The following BTBD9 variants were observed in gnomAD, a reference collection of about 807,000 sequenced individuals.
The protein encoded by BTBD9 is BTB domain containing 9.
In BTBD9, 49 loss-of-function variants were observed where a neutral mutation model predicts 64.3. That is an observed-to-expected ratio of 0.76 (90% CI 0.61 to 0.97). The LOEUF is 0.97. Ranked by LOEUF, BTBD9 falls within the 50% of genes least tolerant of loss-of-function variation. The probability of loss-of-function intolerance (pLI) is 0.00; values close to 1 mark genes in which losing one functional copy is unlikely to be tolerated. For missense variants in BTBD9, 598 were observed against 762.1 expected (o/e 0.78, Z 2.53); for synonymous variants, 260 against 274.7 (o/e 0.95, Z 0.53).
intron 6 of BTBD9, among the ~76,000 whole-genome samples, chr6:38,569,722 T>G (rs1209557534): frequency 6.6e-6 from 1 of 152,168 alleles, no homozygotes; most frequent in African/African-American, 2.4e-5. Context: ...TTCAATTGAA[T>G]AACTTAAGGA....
At chr6:38,356,848 T>C (rs540669033) in intron 6 of BTBD9, among the ~76,000 whole-genome samples, 2 of 152,288 alleles carry the variant, frequency 1.3e-5, no homozygotes, top group South Asian at 2.1e-4. Flanking sequence ...TTCTAACCCT[T>C]GCATGGAAGA....
chr6:38,440,541 A>AGTTT (rs1469277479), intron 6 of BTBD9, among the ~76,000 whole-genome samples: 218 of 152,316 alleles, frequency 1.4e-3, no homozygotes, highest in African/African-American at 5.1e-3. Context: ...TTCAGAAAGA[A>AGTTT]CACAACCACT....
At chr6:38,360,965 T>C (rs1014450531) in intron 6 of BTBD9, among the ~76,000 whole-genome samples, 1 of 152,170 alleles carries the variant, frequency 6.6e-6, no homozygotes, top group South Asian at 2.1e-4. Context: ...TTCCAATCAG[T>C]GTAAGGGAGG....
intron 6 of BTBD9, among the ~76,000 whole-genome samples, chr6:38,434,504 A>C (rs1039851512): frequency 6.6e-6 from 1 of 151,872 alleles, no homozygotes; most frequent in Non-Finnish European, 1.5e-5. Context: ...GTATTTCTTA[A>C]ATGTATTTGA....
At position 38,439,110 on chromosome 6, in the gene BTBD9, C is replaced by CTTTTTTTTTTTTTTTTTTTTT. The variant is rs35699356; in HGVS notation, c.1155-94038_1155-94018dup. 1.6e-4 allele frequency among the ~76,000 whole-genome samples: 10 copies of CTTTTTTTTTTTTTTTTTTTTT among 64,052 alleles called. 1 individual carries two copies. The highest frequency in any genetic ancestry group is 6.9e-4 in the African/African-American group (10 of 14,584). 42.0% of individuals were successfully genotyped at this position (64,052 alleles called of 152,430 possible). A position where few individuals can be genotyped will look rare whatever the true frequency, so the allele number is the denominator to read the frequency against. ...TCTTGTAGGCTCGTGTAGCAACTGA[C>CTTTTTTTTTTTTTTTTTTTTT]TTTTTTTTTTTTTTTTTTTTTTTTG... is the stretch of plus-strand genomic sequence containing the variant. On this transcript the variant is annotated intron_variant, in intron 6 of 10. Coordinates refer to ENST00000481247, the MANE Select transcript of BTBD9 (RefSeq NM_001099272.2).
chr6:38,472,623 C>T (rs1770699943), intron 6 of BTBD9, among the ~76,000 whole-genome samples: 1 of 152,070 alleles, frequency 6.6e-6, no homozygotes, highest in South Asian at 2.1e-4. Context: ...CCAACCAGTC[C>T]AGGAATAAAA....
intron 8 of BTBD9, among the ~76,000 whole-genome samples, chr6:38,281,155 A>C (rs1761500823): frequency 6.6e-6 from 1 of 152,208 alleles, no homozygotes; most frequent in Non-Finnish European, 1.5e-5. Context: ...TAGGAAAAAA[A>C]TGGCATTTTT....
intron 1 of BTBD9, among the ~76,000 whole-genome samples, chr6:38,631,751 T>C (rs938554936): frequency 6.6e-6 from 1 of 152,158 alleles, no homozygotes; most frequent in Non-Finnish European, 1.5e-5. Context: ...AAAAGCTTGA[T>C]TGCAACTCAT....
chr6:38,534,412 C>T (rs1295765286), intron 6 of BTBD9, among the ~76,000 whole-genome samples: 1 of 150,622 alleles, frequency 6.6e-6, no homozygotes, highest in East Asian at 1.9e-4. Flanking sequence ...GACCCGATGG[C>T]TTCACTGCTG....
chr6:38,402,590 G>T (rs1766980198), intron 6 of BTBD9, among the ~76,000 whole-genome samples: 1 of 152,206 alleles, frequency 6.6e-6, no homozygotes, highest in South Asian at 2.1e-4. Context: ...GGGAAAATGT[G>T]CCTGGGACAA....
intron 1 of BTBD9, among the ~76,000 whole-genome samples, chr6:38,626,877 C>T (rs1778186265): frequency 6.6e-6 from 1 of 152,068 alleles, no homozygotes; most frequent in South Asian, 2.1e-4. Context: ...CACAGTCATC[C>T]CGCCTTGAGA....
intron 7 of BTBD9, among the ~76,000 whole-genome samples, chr6:38,340,010 A>G (rs1455170961): frequency 1.3e-5 from 2 of 152,204 alleles, no homozygotes; most frequent in Non-Finnish European, 2.9e-5. Flanking sequence ...TTGGGGATAG[A>G]GCAAATGAAT....
chr6:38,426,885 T>C (rs1768185218), intron 6 of BTBD9, among the ~76,000 whole-genome samples: 1 of 151,788 alleles, frequency 6.6e-6, no homozygotes, highest in South Asian at 2.1e-4. Context: ...GGAAGCTCTG[T>C]GAGCAAGGAA....
chr6:38,599,518 GA>G (rs1777174315), intron 1 of BTBD9, among the ~76,000 whole-genome samples: 1 of 152,208 alleles, frequency 6.6e-6, no homozygotes, highest in Non-Finnish European at 1.5e-5. Context: ...CTAGCATTCA[GA>G]TGCCCCCGGT....
chr6:38,172,915 C>G lies in BTBD9; in HGVS notation c.*2070G>C, dbSNP rs1324835219. 1.3e-5 allele frequency: 2 copies of G among 152,280 alleles called. No homozygotes were observed. The highest frequency in any genetic ancestry group is 4.8e-5 in the African/African-American group (2 of 41,464). 9.4% of individuals were successfully genotyped at this position (152,280 alleles called of 1,614,324 possible). Reference sequence around the variant, plus strand: ...AGGAGGGCTCTGCGTGCTCTGTGGGCAGGGGACTGGAGGGTTGCAGATGCA... The same window carrying G: ...AGGAGGGCTCTGCGTGCTCTGTGGGGAGGGGACTGGAGGGTTGCAGATGCA... On this transcript the variant is annotated 3_prime_UTR_variant, in exon 11 of 11. Coordinates refer to ENST00000481247, the MANE Select transcript of BTBD9 (RefSeq NM_001099272.2).
chr6:38,202,423 A>C (rs906423972), intron 9 of BTBD9, among the ~76,000 whole-genome samples: 1 of 152,100 alleles, frequency 6.6e-6, no homozygotes, highest in Admixed American at 6.5e-5. Context: ...AAAAATCCTA[A>C]AATTCATGTA....
rs1273548348 is a variant in BTBD9, at chr6:38,288,413, T to C, written c.1313A>G (p.Glu438Gly). The change falls in exon 8 of 11, where the codon GAA (glutamate) becomes GGA (glycine). Residue 438 changes from glutamate (E) to glycine (G), a missense_variant. Transcript: ENST00000481247. The part of the protein sequence containing the change: ...ATIADCASVI[E>G]GVSRSRNALL... ...GGCATTTCGGCTCCGACTGACTCCTTCAATCACACTGGCACAATCAGCAAT... is the reference window on the plus strand; with the variant it reads ...GGCATTTCGGCTCCGACTGACTCCTCCAATCACACTGGCACAATCAGCAAT... 6.2e-7 allele frequency: 1 copy of C among 1,614,074 alleles called. No individual in the cohort carries two copies. Among genetic ancestry groups the C allele is most frequent in the Non-Finnish European group, 8.5e-7 (1 of 1,179,976 alleles).
At chr6:38,241,142 T>C (rs1320875632) in intron 9 of BTBD9, among the ~76,000 whole-genome samples, 1 of 152,214 alleles carries the variant, frequency 6.6e-6, no homozygotes, top group African/African-American at 2.4e-5. Flanking sequence ...TAAGCTTATA[T>C]GTCCACTGCT....
intron 5 of BTBD9, among the ~76,000 whole-genome samples, chr6:38,578,911 AT>A (rs199838408): frequency 0.018 from 2,731 of 152,268 alleles, 32 homozygotes; most frequent in South Asian, 0.054. Context: ...TTCTTTTATT[AT>A]TTTTATAATA....
Sources: gnomAD v4.1 joint callset for allele counts (sites outside exome capture counted in the v4.1 genomes callset) on GRCh38, gnomAD v4.1.1 for gene constraint, MANE v1.5 for transcripts, NCBI Gene and HGNC (gene_info 2026-07-23, HGNC 2026-07-21) for gene names.